PRKCA: variants seen among roughly 807,000 people sequenced by gnomAD.
PRKCA encodes the protein protein kinase C alpha.
In PRKCA, 27 loss-of-function variants were observed where a neutral mutation model predicts 87.0. That is an observed-to-expected ratio of 0.31 (90% confidence interval 0.23 to 0.43). PRKCA has a LOEUF of 0.43. PRKCA is among the 20% of genes least tolerant of loss of function. PRKCA has a pLI of 1.00. For missense variants in PRKCA, 518 were observed against 852.3 expected (o/e 0.61, Z 4.88); for synonymous variants, 329 against 311.1 (o/e 1.06, Z -0.61).
chr17:66,754,976 C>T (rs1598918988), intron 13 of PRKCA, among the ~76,000 whole-genome samples: 1 of 152,150 alleles, frequency 6.6e-6, no homozygotes, highest in East Asian at 1.9e-4. Context: ...CTTCAGCACA[C>T]GGATTTGGCG....
At chr17:66,735,892 A>ATTTCTT (rs1168151246) in intron 10 of PRKCA, among the ~76,000 whole-genome samples, 2 of 138,986 alleles carry the variant, frequency 1.4e-5, no homozygotes, top group Non-Finnish European at 1.6e-5. Context: ...TTCGGCAAAC[A>ATTTCTT]TTTCTTTTTC....
At chr17:66,705,750 G>A (rs1959305728) in intron 8 of PRKCA, among the ~76,000 whole-genome samples, 1 of 152,158 alleles carries the variant, frequency 6.6e-6, no homozygotes, top group Non-Finnish European at 1.5e-5. Context: ...AGGGAAGACA[G>A]AGCCGATGTC....
At chr17:66,507,778 C>A (rs967681154) in intron 3 of PRKCA, among the ~76,000 whole-genome samples, 1 of 152,162 alleles carries the variant, frequency 6.6e-6, no homozygotes, top group African/African-American at 2.4e-5. Flanking sequence ...GGGCTTATTC[C>A]TGGATTCTGA....
intron 2 of PRKCA, among the ~76,000 whole-genome samples, chr17:66,390,444 C>G (rs1052868326): frequency 2.0e-5 from 3 of 152,128 alleles, no homozygotes; most frequent in Admixed American, 2.0e-4. Context: ...GGCTCTCGCT[C>G]AGCTTTTTGT....
At chr17:66,567,156 G>A (rs917031329) in intron 3 of PRKCA, among the ~76,000 whole-genome samples, 3 of 152,164 alleles carry the variant, frequency 2.0e-5, no homozygotes, top group Non-Finnish European at 4.4e-5. Flanking sequence ...ATGATATGGG[G>A]AACTTGGTAT....
At chr17:66,550,187 C>T (rs1281972695) in intron 3 of PRKCA, among the ~76,000 whole-genome samples, 1 of 152,122 alleles carries the variant, frequency 6.6e-6, no homozygotes, top group African/African-American at 2.4e-5. Flanking sequence ...AAAATGAGAT[C>T]CCAAGACTAA....
At chr17:66,783,841 C>G (rs933712916) in intron 14 of PRKCA, among the ~76,000 whole-genome samples, 1 of 152,274 alleles carries the variant, frequency 6.6e-6, no homozygotes, top group South Asian at 2.1e-4. Context: ...TCAAGCACCT[C>G]CAGAGAGGCT....
chr17:66,738,676 T>C, intron 10 of PRKCA, 88 bp from the exon 11 acceptor site: 1 of 1,037,534 alleles, frequency 9.6e-7, no homozygotes, highest in Non-Finnish European at 1.5e-6. Flanking sequence ...ATTTAACTAA[T>C]GAGAAAGCAA....
In PRKCA at chr17:66,311,193, G is replaced by T. The variant is rs149926588; in HGVS notation, c.205+5066G>T. On this transcript the variant is annotated intron_variant, in intron 2 of 16. Coordinates refer to ENST00000413366, the MANE Select transcript of PRKCA (RefSeq NM_002737.3). ...TTCCAAAAAGATAGAATGCATGGAA[G>T]ACTGAGTATAATTTGAAACCTAGAG... is the stretch of plus-strand genomic sequence containing the variant. Among the ~76,000 whole-genome samples the T allele has an allele frequency of 3.6e-3, 554 of 152,334 alleles. 11 individuals are homozygous for T. Among genetic ancestry groups the T allele is most frequent in the Non-Finnish European group, 1.3e-3 (88 of 68,040 alleles).
intron 2 of PRKCA, among the ~76,000 whole-genome samples, chr17:66,394,197 T>G (rs1253726228): frequency 6.6e-6 from 1 of 152,128 alleles, no homozygotes; most frequent in Admixed American, 6.5e-5. Flanking sequence ...AAGAAATGTC[T>G]TTTTTTTGAA....
At chr17:66,359,752 T>A (rs1269132857) in intron 2 of PRKCA, among the ~76,000 whole-genome samples, 1 of 152,236 alleles carries the variant, frequency 6.6e-6, no homozygotes, top group Non-Finnish European at 1.5e-5. Context: ...CAGAGATGCT[T>A]TTAGGCTTCT....
At chr17:66,405,948 GA>G (rs1374102725) in intron 2 of PRKCA, among the ~76,000 whole-genome samples, 1 of 152,076 alleles carries the variant, frequency 6.6e-6, no homozygotes, top group East Asian at 1.9e-4. Flanking sequence ...TGGTGTGGAG[GA>G]AAAATGGAAT....
chr17:66,569,875 G>C (rs1309940439), intron 3 of PRKCA, among the ~76,000 whole-genome samples: 1 of 152,186 alleles, frequency 6.6e-6, no homozygotes, highest in Admixed American at 6.5e-5. Context: ...ACACACTCCT[G>C]TCAGACAGCA....
intron 16 of PRKCA, among the ~76,000 whole-genome samples, chr17:66,790,080 C>T (rs575439188): frequency 1.8e-3 from 268 of 152,320 alleles, no homozygotes; most frequent in African/African-American, 6.2e-3. Context: ...CTGTTGGTTT[C>T]GCTCAAATGT....
intron 8 of PRKCA, among the ~76,000 whole-genome samples, chr17:66,713,155 A>G (rs1216480478): frequency 2.0e-5 from 3 of 149,474 alleles, no homozygotes; most frequent in Admixed American, 2.0e-4. Flanking sequence ...GGGTTCAAGC[A>G]ATTCTCCTGC....
chr17:66,714,322 C>T (rs1397567712), intron 8 of PRKCA, among the ~76,000 whole-genome samples: 2 of 152,042 alleles, frequency 1.3e-5, no homozygotes, highest in East Asian at 3.9e-4. Context: ...GTGCAAATAC[C>T]ATGTGTAAAG....
chr17:66,602,896 C>G (rs1287023446), intron 3 of PRKCA, among the ~76,000 whole-genome samples: 2 of 152,148 alleles, frequency 1.3e-5, no homozygotes, highest in Non-Finnish European at 2.9e-5. Context: ...CTCTCCTCTT[C>G]CGGGGCGGTA....
Position 66,810,672 on chromosome 17 carries a change from A to G in PRKCA, c.*6635A>G, listed in dbSNP as rs1976144506. On this transcript the variant is annotated 3_prime_UTR_variant, in exon 17 of 17. Transcript: ENST00000413366. Reference sequence around the variant, plus strand: ...TGTATAACCTCTAATCTCCGTTTGCATGATACGCTTTGTTAGAAACATTAA... The same window carrying G: ...TGTATAACCTCTAATCTCCGTTTGCGTGATACGCTTTGTTAGAAACATTAA... The G allele has an allele frequency of 6.6e-6, 1 of 152,072 alleles. No individual in the cohort carries two copies. The highest frequency in any genetic ancestry group is 1.5e-5 in the Non-Finnish European group (1 of 68,028). 9.4% of individuals were successfully genotyped at this position (152,072 alleles called of 1,614,324 possible).
intron 2 of PRKCA, among the ~76,000 whole-genome samples, chr17:66,439,263 C>T (rs528472336): frequency 2.0e-5 from 3 of 152,124 alleles, no homozygotes; most frequent in Admixed American, 1.3e-4. Flanking sequence ...TCACTGCAAC[C>T]TCCGCCTCCC....
Sources: gnomAD v4.1 joint callset for allele counts (sites outside exome capture counted in the v4.1 genomes callset) on GRCh38, gnomAD v4.1.1 for gene constraint, MANE v1.5 for transcripts, NCBI Gene and HGNC (gene_info 2026-07-23, HGNC 2026-07-21) for gene names.